The following HS3ST3B1 variants were observed in gnomAD, a reference collection of about 807,000 sequenced individuals.
The protein encoded by HS3ST3B1 is heparan sulfate glucosamine 3-O-sulfotransferase 3B1.
A neutral mutation model predicts 21.3 loss-of-function variants in HS3ST3B1; 13 were observed. The observed-to-expected ratio is 0.61, with a 90% CI of 0.40 to 0.97. HS3ST3B1 has a LOEUF of 0.97. HS3ST3B1 is among the 50% of genes least tolerant of loss of function. The pLI, the probability that HS3ST3B1 is intolerant of heterozygous loss-of-function variation, is 0.00. For synonymous variants in HS3ST3B1, 234 were observed against 254.8 expected, an observed-to-expected ratio of 0.92 and a Z score of 0.78; for missense variants, 459 against 554.8, an observed-to-expected ratio of 0.83 and a Z score of 1.73.
At chr17:14,320,939 G>A (rs1039197163) in intron 1 of HS3ST3B1, among the ~76,000 whole-genome samples, 3 of 152,154 alleles carry the variant, frequency 2.0e-5, no homozygotes, top group Non-Finnish European at 2.9e-5. Context: ...AGTGCCTGCC[G>A]CCCTTCTTAC....
intron 1 of HS3ST3B1, among the ~76,000 whole-genome samples, chr17:14,330,333 A>G (rs1909970483): frequency 6.6e-6 from 1 of 152,144 alleles, no homozygotes. Flanking sequence ...GGGTGGTTAT[A>G]ATAACTTTAG....
At chr17:14,308,901 A>G (rs1001421633) in intron 1 of HS3ST3B1, among the ~76,000 whole-genome samples, 1 of 152,230 alleles carries the variant, frequency 6.6e-6, no homozygotes. Flanking sequence ...TTAGAAACCC[A>G]TAAAATGCTG....
rs1157441261 is a variant in HS3ST3B1, at chr17:14,313,115, T to TAC, written c.554+11044_554+11045insCA. Among the ~76,000 whole-genome samples the TAC allele has an allele frequency of 1.4e-3, 204 of 146,986 alleles. 2 individuals carry two copies. Among genetic ancestry groups the TAC allele is most frequent in the East Asian group, 3.7e-3 (18 of 4,860 alleles). ...TGTGGTGTGTGTGTGTGTGTATATA[T>TAC]ATATATATGTGTGTGTGTGTATATA... On this transcript the variant is annotated intron_variant, in intron 1 of 1. Transcript: ENST00000360954.
intron 1 of HS3ST3B1, among the ~76,000 whole-genome samples, chr17:14,308,823 C>T (rs1191528153): frequency 6.6e-6 from 1 of 152,202 alleles, no homozygotes; most frequent in Non-Finnish European, 1.5e-5. Flanking sequence ...GCACCTTACA[C>T]GTAGGATTCA....
chr17:14,303,148 G>T lies in HS3ST3B1; in HGVS notation c.554+1076G>T, dbSNP rs1908999876. Among the ~76,000 whole-genome samples the T allele has an allele frequency of 6.6e-6, 1 of 152,082 alleles. No individual in the cohort carries two copies. On this transcript the variant is annotated intron_variant, in intron 1 of 1. Coordinates refer to ENST00000360954, the MANE Select transcript of HS3ST3B1 (RefSeq NM_006041.3). This position sits in a 1 kb window ranked among gnomAD's most constrained non-coding sequence, Gnocchi z 5.7. Reference sequence around the variant, plus strand: ...ATTTCGGCCTCCGATAACTGTCTTCGACTAGGGGCCCAGGTAACGACCCCC... The same window carrying T: ...ATTTCGGCCTCCGATAACTGTCTTCTACTAGGGGCCCAGGTAACGACCCCC...
chr17:14,327,740 C>A (rs1315843516), intron 1 of HS3ST3B1: 1 of 152,144 alleles, frequency 6.6e-6, no homozygotes, highest in Non-Finnish European at 1.5e-5. Context: ...GATTCATTTT[C>A]TTTCATTCAT....
chr17:14,329,293 TAAAG>T (rs1235682605), intron 1 of HS3ST3B1: 1 of 109,144 alleles, frequency 9.2e-6, no homozygotes, highest in Non-Finnish European at 2.1e-5. Context: ...CATGAGGAAA[TAAAG>T]AAAGAAAGAG....
chr17:14,310,380 G>T (rs1409934525), intron 1 of HS3ST3B1, among the ~76,000 whole-genome samples: 3 of 152,104 alleles, frequency 2.0e-5, no homozygotes, highest in Admixed American at 1.3e-4. Context: ...GCTGCCCAAG[G>T]TGGACTCAGC....
At chr17:14,316,917 A>G (rs1270529389) in intron 1 of HS3ST3B1, among the ~76,000 whole-genome samples, 2 of 152,172 alleles carry the variant, frequency 1.3e-5, no homozygotes, top group Admixed American at 1.3e-4. Flanking sequence ...TCCTGCAAGC[A>G]CTCTAAGCTT....
At chr17:14,316,726 T>A (rs1018408266) in intron 1 of HS3ST3B1, among the ~76,000 whole-genome samples, 1 of 152,206 alleles carries the variant, frequency 6.6e-6, no homozygotes, top group Non-Finnish European at 1.5e-5. Flanking sequence ...ATTTTCCCCC[T>A]TTTGTGTGGC....
At chr17:14,334,204 T>G (rs1910117129) in intron 1 of HS3ST3B1, among the ~76,000 whole-genome samples, 1 of 151,934 alleles carries the variant, frequency 6.6e-6, no homozygotes, top group Non-Finnish European at 1.5e-5. Context: ...GTTGAAAAGT[T>G]TGGGGGAGCC....
intron 1 of HS3ST3B1, chr17:14,329,444 AAGGG>A (rs1195062896): frequency 6.0e-5 from 9 of 150,660 alleles, no homozygotes; most frequent in South Asian, 2.1e-4. Flanking sequence ...GAAGGAAAGG[AAGGG>A]AGGGAGGGAG....
rs1910661702 is a variant in HS3ST3B1, at chr17:14,349,368, A to G, written c.*3722A>G. The G allele has an allele frequency of 6.6e-6, 1 of 152,202 alleles. No individual in the cohort carries two copies. Among genetic ancestry groups the G allele is most frequent in the Non-Finnish European group, 1.5e-5 (1 of 68,018 alleles). The allele number at this position is 152,202 out of a possible 1,614,324, so 9.4% of individuals were successfully genotyped here. A position where few individuals can be genotyped will look rare whatever the true frequency, so the allele number is the denominator to read the frequency against. On this transcript the variant is annotated 3_prime_UTR_variant, in exon 2 of 2. Transcript: ENST00000360954. Reference sequence around the variant, plus strand: ...AAGTGAAATTCTGGTAATTCATACTATTTCTTTGTATGAACAAATAAAATA... The same window carrying G: ...AAGTGAAATTCTGGTAATTCATACTGTTTCTTTGTATGAACAAATAAAATA...
chr17:14,306,829 T>TAAA (rs11462805), intron 1 of HS3ST3B1, among the ~76,000 whole-genome samples: 2,703 of 149,192 alleles, frequency 0.018, 39 homozygotes, highest in South Asian at 0.034. Context: ...TGGGTGAAGA[T>TAAA]AAAAAAAAAA....
intron 1 of HS3ST3B1, among the ~76,000 whole-genome samples, chr17:14,320,371 A>G (rs2142334980): frequency 6.6e-6 from 1 of 152,268 alleles, no homozygotes; most frequent in African/African-American, 2.4e-5. Flanking sequence ...AAAGAAGATC[A>G]TGGCAGAAGG....
At chr17:14,333,395 G>T (rs1343672268) in intron 1 of HS3ST3B1, among the ~76,000 whole-genome samples, 2 of 151,170 alleles carry the variant, frequency 1.3e-5, no homozygotes, top group African/African-American at 2.4e-5. Context: ...TGAACCCGGG[G>T]AGGCACAGGT....
rs531114546 is a variant in HS3ST3B1 at position 14,347,913 on chromosome 17, T to A, written c.*2267T>A. The A allele has an allele frequency of 6.6e-6, 1 of 152,370 alleles. No individual in the cohort carries two copies. Among genetic ancestry groups the A allele is most frequent in the South Asian group, 2.1e-4 (1 of 4,830 alleles). 9.4% of individuals were successfully genotyped at this position (152,370 alleles called of 1,614,324 possible). ...GTTCTGCCTTCTTGATGAGTGATTGTGAAAAACACCTGCATAAGGGTGCTA... is the reference window on the plus strand; with the variant it reads ...GTTCTGCCTTCTTGATGAGTGATTGAGAAAAACACCTGCATAAGGGTGCTA... On this transcript the variant is annotated 3_prime_UTR_variant, in exon 2 of 2. Coordinates refer to ENST00000360954, the MANE Select transcript of HS3ST3B1 (RefSeq NM_006041.3).
chr17:14,345,657 G>C lies in HS3ST3B1; in HGVS notation c.*11G>C. 1 of 1,610,474 alleles carries C rather than the reference G, an allele frequency of 6.2e-7. No individual in the cohort carries two copies. The highest frequency in any genetic ancestry group is 8.5e-7 in the Non-Finnish European group (1 of 1,177,186). On this transcript the variant is annotated 3_prime_UTR_variant, in exon 2 of 2. Coordinates refer to ENST00000360954, the MANE Select transcript of HS3ST3B1 (RefSeq NM_006041.3). ...TTTGGCTGGGATTGAGCAGACCCGG[G>C]CTATGTACCTTACCCACGTGGCTTA...
At chr17:14,302,131 A>C in intron 1 of HS3ST3B1, 59 bp downstream of exon 1, 1 of 1,512,890 alleles carries the variant, frequency 6.6e-7, no homozygotes, top group Non-Finnish European at 8.8e-7. Context: ...GAGCTAAGGG[A>C]GACATGGCGT....
Sources: gnomAD v4.1 joint callset for allele counts (sites outside exome capture counted in the v4.1 genomes callset) on GRCh38, gnomAD v4.1.1 for gene constraint, Gnocchi (gnomAD v3.1) non-coding constraint, MANE v1.5 for transcripts, NCBI Gene and HGNC (gene_info 2026-07-23, HGNC 2026-07-21) for gene names.